The following RYR2 variants were observed in gnomAD, a reference collection of about 807,000 sequenced individuals.
RYR2 encodes ryanodine receptor 2.
In RYR2, 227 loss-of-function variants were observed where a neutral mutation model predicts 601.1. The observed-to-expected ratio is 0.38, with a 90% CI of 0.34 to 0.42. The LOEUF (loss-of-function observed/expected upper bound fraction) is 0.42, where lower values mean the gene tolerates loss of function less well. Ranked by LOEUF, RYR2 falls within the 10% of genes least tolerant of loss-of-function variation. RYR2 has a pLI of 1.00. For synonymous variants in RYR2, 2,223 were observed against 2,175.1 expected (o/e 1.02, Z -0.61); for missense variants, 4,646 against 6,156.5 (o/e 0.75, Z 8.21).
chr1:237,709,255 A>T (rs553484711), intron 69 of RYR2, among the ~76,000 whole-genome samples, 157 bp downstream of exon 69: 1 of 152,354 alleles, frequency 6.6e-6, no homozygotes, highest in South Asian at 2.1e-4. Context: ...GCTTAAAATT[A>T]AAACACCTTA....
At chr1:237,596,905 C>A (rs1412607670) in intron 34 of RYR2, among the ~76,000 whole-genome samples, 1 of 152,164 alleles carries the variant, frequency 6.6e-6, no homozygotes, top group African/African-American at 2.4e-5. Flanking sequence ...TCTAGCAAAG[C>A]TATCCTTCAG....
intron 25 of RYR2, among the ~76,000 whole-genome samples, chr1:237,539,390 A>G (rs1417540724): frequency 6.6e-6 from 1 of 152,240 alleles, no homozygotes; most frequent in Non-Finnish European, 1.5e-5. Flanking sequence ...GAGCAGTATC[A>G]TAGCAGAATA....
intron 1 of RYR2, among the ~76,000 whole-genome samples, chr1:237,164,963 T>C (rs1572065508): frequency 1.0e-5 from 1 of 99,918 alleles, no homozygotes; most frequent in East Asian, 2.8e-4. Flanking sequence ...TCAGATTTTG[T>C]GCTGTTTATT....
At chr1:237,540,714 T>TAAA (rs1669165998) in intron 25 of RYR2, among the ~76,000 whole-genome samples, 1 of 143,364 alleles carries the variant, frequency 7.0e-6, no homozygotes, top group Non-Finnish European at 1.5e-5. Context: ...TTTCAAAATA[T>TAAA]TAAAAAAAAA....
chr1:237,322,384 A>G (rs180991565), intron 2 of RYR2, among the ~76,000 whole-genome samples: 2 of 152,244 alleles, frequency 1.3e-5, no homozygotes, highest in African/African-American at 4.8e-5. Flanking sequence ...GGTTGCCCTC[A>G]TCTATGTGTT....
intron 5 of RYR2, among the ~76,000 whole-genome samples, chr1:237,364,609 TA>T (rs1700049986): frequency 6.6e-6 from 1 of 152,152 alleles, no homozygotes; most frequent in Non-Finnish European, 1.5e-5. Flanking sequence ...AAAAGGTTTT[TA>T]AAAATCAAGC....
intron 63 of RYR2, among the ~76,000 whole-genome samples, chr1:237,695,062 G>A (rs1206193401): frequency 2.0e-5 from 3 of 152,094 alleles, no homozygotes; most frequent in Non-Finnish European, 4.4e-5. Context: ...CAGCATATCA[G>A]ATTATAAAAC....
rs569534237 is a variant in RYR2, at chr1:237,084,389, C to T, written c.48+41820C>T. Reference sequence around the variant, plus strand: ...GCAGAAATCTGTGAATACTAAGACCCGCGAGCTGAGGGTATTATGGAAATT... The same window carrying T: ...GCAGAAATCTGTGAATACTAAGACCTGCGAGCTGAGGGTATTATGGAAATT... On this transcript the variant is annotated intron_variant, in intron 1 of 104. Coordinates refer to ENST00000366574, the MANE Select transcript of RYR2 (RefSeq NM_001035.3). 2.5e-4 allele frequency among the ~76,000 whole-genome samples: 38 copies of T among 152,180 alleles called. No homozygotes were observed. In the South Asian group the frequency reaches 2.9e-3, roughly 12 times the overall value.
chr1:237,266,964 C>T (rs1689131358), intron 1 of RYR2, among the ~76,000 whole-genome samples: 1 of 152,156 alleles, frequency 6.6e-6, no homozygotes, highest in Admixed American at 6.5e-5. Context: ...ACCATGCACT[C>T]CATCATACAA....
At chr1:237,142,737 C>T (rs1357735579) in intron 1 of RYR2, among the ~76,000 whole-genome samples, 3 of 152,198 alleles carry the variant, frequency 2.0e-5, no homozygotes, top group African/African-American at 7.2e-5. Flanking sequence ...CCGCTAAGCC[C>T]TAGAGTGCAA....
intron 59 of RYR2, 114 bp from the exon 60 acceptor site, chr1:237,674,611 TTATATA>T: frequency 6.3e-6 from 3 of 479,886 alleles, no homozygotes; most frequent in Non-Finnish European, 1.1e-5. Flanking sequence ...ACTTCAAAAT[TTATATA>T]TATAGATAAA....
intron 80 of RYR2, among the ~76,000 whole-genome samples, chr1:237,742,728 T>C (rs1691722252): frequency 6.6e-6 from 1 of 152,200 alleles, no homozygotes; most frequent in South Asian, 2.1e-4. Flanking sequence ...TGATATTTTT[T>C]CCTGAATAGA....
At chr1:237,619,067 G>T (rs1678799204) in intron 38 of RYR2, among the ~76,000 whole-genome samples, 1 of 151,982 alleles carries the variant, frequency 6.6e-6, no homozygotes. Flanking sequence ...TGCTGGATGG[G>T]GTCAGAGGAA....
Position 237,202,167 on chromosome 1 carries a change from T to C in RYR2, c.49-68330T>C, listed in dbSNP as rs181778324. On this transcript the variant is annotated intron_variant, in intron 1 of 104. Coordinates refer to ENST00000366574, the MANE Select transcript of RYR2 (RefSeq NM_001035.3). ...ACCATTAAAATATGATATTTACTTA[T>C]ACAATTTGCATTAACATTTCCCTCA... Among the ~76,000 whole-genome samples, 42 of 152,380 alleles carry C rather than the reference T, an allele frequency of 2.8e-4. 1 individual carries two copies. The highest frequency in any genetic ancestry group is 2.5e-3 in the Admixed American group (38 of 15,308).
chr1:237,776,543 C>G (rs1459236339), intron 87 of RYR2, among the ~76,000 whole-genome samples: 1 of 152,068 alleles, frequency 6.6e-6, no homozygotes, highest in Non-Finnish European at 1.5e-5. Flanking sequence ...GCTGGAAAAC[C>G]TAGAGTGAGG....
intron 23 of RYR2, among the ~76,000 whole-genome samples, chr1:237,507,577 T>G (rs1218388592): frequency 6.6e-6 from 1 of 152,258 alleles, no homozygotes; most frequent in East Asian, 1.9e-4. Context: ...TAATATAACG[T>G]TAGTAGTAGT....
intron 84 of RYR2, 99 bp from the exon 85 acceptor site, chr1:237,770,708 A>T: frequency 2.7e-6 from 2 of 745,966 alleles, no homozygotes; most frequent in Non-Finnish European, 4.7e-6. Flanking sequence ...GGTTCAGAAC[A>T]ATGCTAGATC....
At chr1:237,810,011 A>G (rs1392181250) in intron 100 of RYR2, among the ~76,000 whole-genome samples, 2 of 145,040 alleles carry the variant, frequency 1.4e-5, no homozygotes, top group African/African-American at 2.5e-5. Flanking sequence ...TTAAATAAAA[A>G]TAAATTCTGA....
At chr1:237,434,856 A>C (rs989925788) in intron 12 of RYR2, among the ~76,000 whole-genome samples, 1 of 152,002 alleles carries the variant, frequency 6.6e-6, no homozygotes, top group East Asian at 1.9e-4. Context: ...GCTCACTGCA[A>C]CCTCCACCTC....
Sources: gnomAD v4.1 joint callset for allele counts (sites outside exome capture counted in the v4.1 genomes callset) on GRCh38, gnomAD v4.1.1 for gene constraint, MANE v1.5 for transcripts, NCBI Gene and HGNC (gene_info 2026-07-23, HGNC 2026-07-21) for gene names.